MORN1: variants seen among roughly 807,000 people sequenced by gnomAD.
MORN1 encodes MORN repeat-containing protein 1.
Under a neutral mutation model 61.9 loss-of-function variants are expected in MORN1, and 67 were observed. The observed-to-expected ratio is 1.08, with a 90% CI of 0.89 to 1.33. The LOEUF (loss-of-function observed/expected upper bound fraction) is 1.33, where lower values mean the gene tolerates loss of function less well. MORN1 is among the 40% of genes most tolerant of loss of function. MORN1 has a pLI of 0.00. For synonymous variants in MORN1, 301 were observed against 292.0 expected (o/e 1.03, Z -0.31); for missense variants, 752 against 691.2 (o/e 1.09, Z -0.99).
chr1:2,367,756 T>C (rs1206431665), intron 8 of MORN1, among the ~76,000 whole-genome samples: 2 of 152,000 alleles, frequency 1.3e-5, no homozygotes, highest in Non-Finnish European at 2.9e-5. Flanking sequence ...GCCTCTCAAG[T>C]AGCTGGGACT....
chr1:2,327,000 A>T (rs1172304593), intron 12 of MORN1, among the ~76,000 whole-genome samples: 1 of 149,516 alleles, frequency 6.7e-6, no homozygotes, highest in African/African-American at 2.6e-5. Context: ...ACAGAGACAC[A>T]GAAACACACA....
chr1:2,336,181 C>T (rs1281306183), intron 12 of MORN1, among the ~76,000 whole-genome samples: 1 of 152,216 alleles, frequency 6.6e-6, no homozygotes, highest in Non-Finnish European at 1.5e-5. Context: ...TTCTGCATGC[C>T]CACAGCCTGG....
Position 2,342,336 on chromosome 1 carries a change from T to C in MORN1, c.1037-5486A>G, listed in dbSNP as rs570930955. 1.1e-4 allele frequency among the ~76,000 whole-genome samples: 17 copies of C among 152,300 alleles called. No homozygotes were observed. In the East Asian group the frequency reaches 2.9e-3, roughly 26 times the overall value. On this transcript the variant is annotated intron_variant, in intron 10 of 13. Coordinates refer to ENST00000378531, the MANE Select transcript of MORN1 (RefSeq NM_024848.3). Reference sequence around the variant, plus strand: ...GCTCGGGCCAGGCCAGCCCCAAGAATAGCCGCGGCAGGCGCAGGACCTGGC... The same window carrying C: ...GCTCGGGCCAGGCCAGCCCCAAGAACAGCCGCGGCAGGCGCAGGACCTGGC...
At chr1:2,358,842 A>T (rs1440007593) in intron 8 of MORN1, 127 bp from the exon 9 acceptor site, 5 of 1,214,720 alleles carry the variant, frequency 4.1e-6, no homozygotes, top group African/African-American at 1.5e-5. Flanking sequence ...AGTGGCTGTG[A>T]CCCTGGTGGG....
At chr1:2,385,709 C>A in intron 5 of MORN1, 98 bp downstream of exon 5, 1 of 1,133,432 alleles carries the variant, frequency 8.8e-7, no homozygotes, top group Non-Finnish European at 1.3e-6. Flanking sequence ...CCCGGGGTGT[C>A]CCATGGCAGT....
intron 10 of MORN1, among the ~76,000 whole-genome samples, chr1:2,339,701 G>A (rs1457001676): frequency 2.6e-5 from 4 of 152,084 alleles, no homozygotes; most frequent in Non-Finnish European, 5.9e-5. Context: ...TAACTCCTGG[G>A]TCCCCCTCGC....
At chr1:2,324,560 G>A (rs1330021988) in intron 12 of MORN1, among the ~76,000 whole-genome samples, 1 of 152,198 alleles carries the variant, frequency 6.6e-6, no homozygotes, top group Non-Finnish European at 1.5e-5. Context: ...TAGGAGCGGC[G>A]GAAGTCTCAG....
chr1:2,366,332 T>A (rs982526276), intron 8 of MORN1, among the ~76,000 whole-genome samples: 3 of 10,464 alleles, frequency 2.9e-4, no homozygotes, highest in African/African-American at 4.3e-4. Context: ...TGTTGTGGGG[T>A]GGGGGGAGGT....
At chr1:2,355,531 TG>T in intron 10 of MORN1, 2 of 1,535,648 alleles carry the variant, frequency 1.3e-6, no homozygotes, top group Non-Finnish European at 8.8e-7. Context: ...GTGAGGTTTC[TG>T]GGGGCAGGGG....
At chr1:2,370,213 T>G (rs1168761871) in intron 8 of MORN1, among the ~76,000 whole-genome samples, 1 of 152,174 alleles carries the variant, frequency 6.6e-6, no homozygotes, top group Non-Finnish European at 1.5e-5. Context: ...CTGACTGATT[T>G]TCAACCAAGG....
chr1:2,323,071 G>A (rs1244891083), intron 13 of MORN1: 4 of 985,302 alleles, frequency 4.1e-6, no homozygotes, highest in East Asian at 2.3e-4. Context: ...GAGCGGCTGC[G>A]CACAGGTGCC....
Position 2,374,798 on chromosome 1 carries a change from GT to G in MORN1, c.538-242del, listed in dbSNP as rs1200626910. Reference sequence around the variant, plus strand: ...TTTGGAATTTTAACGATGCCAGGAGGTATGGGAACAACGGCACAGTATATAA... The same window carrying G: ...TTTGGAATTTTAACGATGCCAGGAGGATGGGAACAACGGCACAGTATATAA... On this transcript the variant is annotated intron_variant, in intron 6 of 13. Coordinates refer to ENST00000378531, the MANE Select transcript of MORN1 (RefSeq NM_024848.3). 20 of 490,612 alleles carry G rather than the reference GT, an allele frequency of 4.1e-5. No homozygotes were observed. The Admixed American group carries it at 6.0e-4, about 15-fold the overall frequency. 30.4% of individuals were successfully genotyped at this position (490,612 alleles called of 1,614,324 possible).
Position 2,385,908 on chromosome 1 carries a change from G to A in MORN1, c.359-11C>T. ...CCAGAAACCCGTGTCCTGGAGAAGGGACCGAGAGACAGACTTGGCTTTGTG... is the reference window on the plus strand; with the variant it reads ...CCAGAAACCCGTGTCCTGGAGAAGGAACCGAGAGACAGACTTGGCTTTGTG... On this transcript the variant is annotated splice_polypyrimidine_tract_variant and intron_variant, in intron 4 of 13. Coordinates refer to ENST00000378531, the MANE Select transcript of MORN1 (RefSeq NM_024848.3). 1 of 1,612,616 alleles carries A rather than the reference G, an allele frequency of 6.2e-7. No homozygotes were observed. Among genetic ancestry groups the A allele is most frequent in the Non-Finnish European group, 8.5e-7 (1 of 1,178,866 alleles).
chr1:2,385,663 G>A lies in MORN1; in HGVS notation c.449+144C>T. 5 of 680,228 alleles carry A rather than the reference G, an allele frequency of 7.4e-6. No homozygotes were observed. The South Asian group carries it at 9.2e-5, about 12-fold the overall frequency. 42.1% of individuals were successfully genotyped at this position (680,228 alleles called of 1,614,324 possible). On this transcript the variant is annotated intron_variant, in intron 5 of 13. Coordinates refer to ENST00000378531, the MANE Select transcript of MORN1 (RefSeq NM_024848.3). ...AATGTGGTTCAACAACTTGGCACTG[G>A]GGGGGTGGCGGGTAGACAGCAGGGG...
chr1:2,335,829 A>AGCCCC (rs568929816), intron 12 of MORN1, among the ~76,000 whole-genome samples: 1 of 139,352 alleles, frequency 7.2e-6, no homozygotes, highest in African/African-American at 3.4e-5. Context: ...TCGCCTCCAT[A>AGCCCC]GCCCAGCCCA....
In MORN1 at chr1:2,390,444, G is replaced by A. The variant is rs1332239003; in HGVS notation, c.77-448C>T. 9 of 985,270 alleles carry A rather than the reference G, an allele frequency of 9.1e-6. No individual in the cohort carries two copies. In the African/African-American group the frequency reaches 1.6e-4, roughly 17 times the overall value. The allele number at this position is 985,270 out of a possible 1,614,324, so 61.0% of individuals were successfully genotyped here. A position where few individuals can be genotyped will look rare whatever the true frequency, so the allele number is the denominator to read the frequency against. On this transcript the variant is annotated intron_variant, in intron 1 of 13. Coordinates refer to ENST00000378531, the MANE Select transcript of MORN1 (RefSeq NM_024848.3). ...CCCTTCAGTGGCCTCCTATCGCTGG[G>A]GAGAAAATCCACACTCATACCCAAG... is the stretch of plus-strand genomic sequence containing the variant.
chr1:2,356,374 C>G lies in MORN1; in HGVS notation c.1036+1058G>C, dbSNP rs117686167. Among the ~76,000 whole-genome samples the G allele has an allele frequency of 9.8e-4, 149 of 152,266 alleles. 3 individuals are homozygous for G. In the East Asian group the frequency reaches 0.027, roughly 27 times the overall value. On this transcript the variant is annotated intron_variant, in intron 10 of 13. Coordinates refer to ENST00000378531, the MANE Select transcript of MORN1 (RefSeq NM_024848.3). ...TCTGCATGTGGAAGGTGGTGGCACACAGCCCACCCCTGCTAAGTTGTGGAT... is the reference window on the plus strand; with the variant it reads ...TCTGCATGTGGAAGGTGGTGGCACAGAGCCCACCCCTGCTAAGTTGTGGAT...
intron 12 of MORN1, among the ~76,000 whole-genome samples, chr1:2,329,187 G>A (rs1641096353): frequency 6.6e-6 from 1 of 152,206 alleles, no homozygotes; most frequent in Non-Finnish European, 1.5e-5. Flanking sequence ...CCCTGCCCCA[G>A]CCCCTCCGTC....
chr1:2,329,487 C>G (rs1641102330), intron 12 of MORN1, among the ~76,000 whole-genome samples: 1 of 152,214 alleles, frequency 6.6e-6, no homozygotes, highest in South Asian at 2.1e-4. Context: ...AGTTCTCATC[C>G]CTGGGGGCCC....
Sources: gnomAD v4.1 joint callset for allele counts (sites outside exome capture counted in the v4.1 genomes callset) on GRCh38, gnomAD v4.1.1 for gene constraint, MANE v1.5 for transcripts, NCBI Gene and HGNC (gene_info 2026-07-23, HGNC 2026-07-21) for gene names.